ZNF33B: variants seen among roughly 807,000 people sequenced by gnomAD.
ZNF33B encodes the protein zinc finger protein 33B.
ZNF33B carries 29 observed loss-of-function variants against 45.8 expected under a neutral mutation model. The ratio of observed to expected loss-of-function variants is 0.63; its 90% CI spans 0.47 to 0.86. The LOEUF (loss-of-function observed/expected upper bound fraction) is 0.86, where lower values mean the gene tolerates loss of function less well. Among genes scored for constraint, ZNF33B ranks in the 40% least tolerant of loss-of-function variants. The pLI, the probability that ZNF33B is intolerant of heterozygous loss-of-function variation, is 0.00. For missense variants in ZNF33B, 831 were observed against 909.9 expected (o/e 0.91, Z 1.12); for synonymous variants, 305 against 307.8 (o/e 0.99, Z 0.10).
intron 4 of ZNF33B, among the ~76,000 whole-genome samples, chr10:42,608,620 C>T (rs1413393): frequency 0.13 from 20,272 of 151,802 alleles, 1,833 homozygotes; most frequent in African/African-American, 0.25. Context: ...CATACTCAAA[C>T]TTATGGAACA....
intron 1 of ZNF33B, 106 bp downstream of exon 1, chr10:42,638,368 A>G (rs944367213): frequency 6.3e-6 from 2 of 316,332 alleles, no homozygotes; most frequent in Non-Finnish European, 6.2e-6. Flanking sequence ...CTTCTCCGTG[A>G]GGTCCCCGGG....
Position 42,592,861 on chromosome 10 carries a change from C to T in ZNF33B, c.2089G>A (p.Glu697Lys). The T allele has an allele frequency of 6.2e-7, 1 of 1,614,082 alleles. No individual in the cohort carries two copies. Among genetic ancestry groups the T allele is most frequent in the South Asian group, 1.1e-5 (1 of 91,088 alleles). The change falls in exon 5 of 5, where the codon GAA becomes AAA. Residue 697 changes from glutamate (E) to lysine (K), a missense_variant. Coordinates refer to ENST00000359467, the MANE Select transcript of ZNF33B (RefSeq NM_006955.3). ...HTGEKPYECN[E>K]CGKSFSHKSS... ...TTGTGACTGAAGGATTTCCCACATT[C>T]ATTGCATTCATAGGGTTTCTCCCCC...
chr10:42,592,553 T>C lies in ZNF33B; in HGVS notation c.*60A>G, dbSNP rs1405063560. 1 of 1,561,974 alleles carries C rather than the reference T, an allele frequency of 6.4e-7. No individual in the cohort carries two copies. Among genetic ancestry groups the C allele is most frequent in the Non-Finnish European group, 8.7e-7 (1 of 1,154,144 alleles). On this transcript the variant is annotated 3_prime_UTR_variant, in exon 5 of 5. Coordinates refer to ENST00000359467, the MANE Select transcript of ZNF33B (RefSeq NM_006955.3). ...GATGTCAACAGGCCCTTCTCCACAG[T>C]GTGAAGACTCTGAGGCATTATGGAG...
Position 42,594,072 on chromosome 10 carries a change from T to C in ZNF33B, c.878A>G (p.His293Arg), listed in dbSNP as rs769495072. ...FLCVKSTLSK[H>R]DGVPVKHYDC... ...ATAGTGTTTCACAGGTACCCCATCATGTTTAGAAAGGGTGGACTTCACACA... is the reference window on the plus strand; with the variant it reads ...ATAGTGTTTCACAGGTACCCCATCACGTTTAGAAAGGGTGGACTTCACACA... The change falls in exon 5 of 5, where the codon CAT (histidine) becomes CGT (arginine). Residue 293 changes from histidine to arginine, a missense_variant. Transcript: ENST00000359467. 3.7e-6 allele frequency: 6 copies of C among 1,614,096 alleles called. No individual in the cohort carries two copies. The African/African-American group carries it at 4.0e-5, about 11-fold the overall frequency.
At chr10:42,613,540 T>A (rs1200875250) in intron 4 of ZNF33B, among the ~76,000 whole-genome samples, 7 of 145,892 alleles carry the variant, frequency 4.8e-5, no homozygotes, top group Admixed American at 2.1e-4. Flanking sequence ...AGAGCGAGAC[T>A]CTCTCTCAAA....
chr10:42,606,600 T>C (rs1385966870), intron 4 of ZNF33B, among the ~76,000 whole-genome samples: 2 of 152,060 alleles, frequency 1.3e-5, no homozygotes, highest in Non-Finnish European at 2.9e-5. Context: ...TACAAATAGA[T>C]ACTTCCTATC....
intron 1 of ZNF33B, among the ~76,000 whole-genome samples, chr10:42,577,563 G>A (rs150546470): frequency 6.6e-6 from 1 of 152,298 alleles, no homozygotes; most frequent in East Asian, 1.9e-4. Flanking sequence ...CAAGGCTTCT[G>A]ATTCTCCAGT....
rs760819422 is a variant in ZNF33B, at chr10:42,636,970, C to G, written c.-42G>C. 7 of 1,613,738 alleles carry G rather than the reference C, an allele frequency of 4.3e-6. No individual in the cohort carries two copies. Among genetic ancestry groups the G allele is most frequent in the Non-Finnish European group, 4.2e-6 (5 of 1,179,920 alleles). ...AAAGACGGAGACAACTCTGAAGATA[C>G]AGCTGAGTTGGAAAAAGAGGAATGG... On this transcript the variant is annotated splice_region_variant and 5_prime_UTR_variant, in exon 2 of 5. Coordinates refer to ENST00000359467, the MANE Select transcript of ZNF33B (RefSeq NM_006955.3).
chr10:42,588,765 A>G (rs774565165), downstream of ZNF33B, among the ~76,000 whole-genome samples: 1 of 152,194 alleles, frequency 6.6e-6, no homozygotes, highest in Non-Finnish European at 1.5e-5. Context: ...GGTTTGGTGA[A>G]TAATTCCAAG....
intron 4 of ZNF33B, among the ~76,000 whole-genome samples, chr10:42,605,968 C>T (rs751480173): frequency 5.3e-5 from 8 of 151,894 alleles, no homozygotes; most frequent in African/African-American, 9.7e-5. Context: ...CATAGTGGCA[C>T]ACACCTATAG....
chr10:42,601,324 T>G (rs993066762), intron 4 of ZNF33B, among the ~76,000 whole-genome samples: 1 of 152,106 alleles, frequency 6.6e-6, no homozygotes, highest in African/African-American at 2.4e-5. Context: ...GATCGGTAGG[T>G]TCCCAACACA....
intron 1 of ZNF33B, among the ~76,000 whole-genome samples, chr10:42,576,710 T>G (rs1836753505): frequency 6.6e-6 from 1 of 152,186 alleles, no homozygotes; most frequent in Non-Finnish European, 1.5e-5. Context: ...TTCCCCCAAT[T>G]TTTCCCATAC....
chr10:42,622,494 A>C (rs1298729721), intron 4 of ZNF33B, among the ~76,000 whole-genome samples: 5 of 152,244 alleles, frequency 3.3e-5, no homozygotes, highest in Non-Finnish European at 7.3e-5. Context: ...ACATACAGAC[A>C]AACGGAATAC....
rs114203622 is a variant in ZNF33B at position 42,592,089 on chromosome 10, C to T, written c.*524G>A. 2,590 of 155,378 alleles carry T rather than the reference C, an allele frequency of 0.017. 79 individuals carry two copies. The highest frequency in any genetic ancestry group is 0.059 in the African/African-American group (2,465 of 41,528). The allele number at this position is 155,378 out of a possible 1,614,324, so 9.6% of individuals were successfully genotyped here. ...TAGAGGAAGCTTGGTGAAGGGTACA[C>T]GGGAATTCTCTGTACTCATTACAAC... On this transcript the variant is annotated 3_prime_UTR_variant, in exon 5 of 5. Transcript: ENST00000359467.
chr10:42,635,833 T>C (rs1057401022), intron 2 of ZNF33B, among the ~76,000 whole-genome samples: 2 of 138,646 alleles, frequency 1.4e-5, no homozygotes, highest in Admixed American at 7.4e-5. Flanking sequence ...AAAATTAAAA[T>C]ACACTTTAAT....
chr10:42,576,953 T>G (rs1266156543), intron 1 of ZNF33B, among the ~76,000 whole-genome samples: 2 of 151,924 alleles, frequency 1.3e-5, no homozygotes, highest in South Asian at 2.1e-4. Context: ...ACCAACAAGA[T>G]GAAACCCTGT....
At chr10:42,622,617 A>G (rs1838638958) in intron 4 of ZNF33B, among the ~76,000 whole-genome samples, 1 of 152,178 alleles carries the variant, frequency 6.6e-6, no homozygotes, top group Non-Finnish European at 1.5e-5. Flanking sequence ...CAGGCCAAAT[A>G]TTGTCACGCT....
Position 42,590,155 on chromosome 10 carries a change from C to T in ZNF33B, c.*2458G>A, listed in dbSNP as rs961280741. On this transcript the variant is annotated 3_prime_UTR_variant, in exon 5 of 5. Transcript: ENST00000359467. ...TTTGCTAACATTTTAAGGATTTCTG[C>T]ATCTGTGTTCACTGGAAATATTGAT... is the stretch of plus-strand genomic sequence containing the variant. The T allele has an allele frequency of 6.6e-6, 1 of 152,180 alleles. No individual in the cohort carries two copies. The highest frequency in any genetic ancestry group is 2.4e-5 in the African/African-American group (1 of 41,456). 9.4% of individuals were successfully genotyped at this position (152,180 alleles called of 1,614,324 possible). A position where few individuals can be genotyped will look rare whatever the true frequency, so the allele number is the denominator to read the frequency against.
At chr10:42,617,092 CTTT>C (rs199977911) in intron 4 of ZNF33B, among the ~76,000 whole-genome samples, 24 of 61,206 alleles carry the variant, frequency 3.9e-4, no homozygotes, top group South Asian at 2.2e-3. Flanking sequence ...CATTTTTTCT[CTTT>C]TTTTTTTTTT....
Sources: gnomAD v4.1 joint callset for allele counts (sites outside exome capture counted in the v4.1 genomes callset) on GRCh38, gnomAD v4.1.1 for gene constraint, MANE v1.5 for transcripts, NCBI Gene and HGNC (gene_info 2026-07-23, HGNC 2026-07-21) for gene names.